Variants in CHD6 observed in about 807,000 individuals in gnomAD.
CHD6 encodes chromodomain helicase DNA binding protein 6.
A neutral mutation model predicts 276.9 loss-of-function variants in CHD6; 50 were observed. That is an observed-to-expected ratio of 0.18 (90% CI 0.14 to 0.23). CHD6 has a LOEUF of 0.23. CHD6 is among the 10% of genes least tolerant of loss of function. The pLI is 1.00. For missense variants in CHD6, 2,564 were observed against 3,365.8 expected, an observed-to-expected ratio of 0.76 and a Z score of 5.89; for synonymous variants, 1,173 against 1,229.3, an observed-to-expected ratio of 0.95 and a Z score of 0.96.
In CHD6 at chr20:41,421,322, T is replaced by C; in HGVS notation, c.5313A>G (p.Gln1771=). 6.2e-7 allele frequency: 1 copy of C among 1,614,200 alleles called. No individual in the cohort carries two copies. Among genetic ancestry groups the C allele is most frequent in the Non-Finnish European group, 8.5e-7 (1 of 1,180,026 alleles). The change falls in exon 31 of 37, where the codon CAA becomes CAG. Residue 1771 remains glutamine (Q), a synonymous_variant. Coordinates refer to ENST00000373233, the MANE Select transcript of CHD6 (RefSeq NM_032221.5). ...MGSLEAGGVA[Q]ANIKNGKHLL... ...AATGTTTTCCATTTTTGATGTTTGC[T>C]TGAGCTACTCCTCCTGCTTCTAAGC...
At chr20:41,583,910 T>C (rs1399515838) in intron 1 of CHD6, among the ~76,000 whole-genome samples, 1 of 151,990 alleles carries the variant, frequency 6.6e-6, no homozygotes, top group Non-Finnish European at 1.5e-5. Flanking sequence ...GAGATAAAAT[T>C]GAATTTTAAA....
chr20:41,591,371 T>TAC (rs1205847670), intron 1 of CHD6, among the ~76,000 whole-genome samples: 1 of 121,214 alleles, frequency 8.2e-6, no homozygotes, highest in Non-Finnish European at 1.6e-5. Flanking sequence ...TTTACATATA[T>TAC]ATATATATAC....
chr20:41,615,738 C>T (rs2045929269), intron 1 of CHD6, among the ~76,000 whole-genome samples: 2 of 152,172 alleles, frequency 1.3e-5, no homozygotes, highest in African/African-American at 4.8e-5. Context: ...CATGAGTGAT[C>T]TCATTTAGTA....
At chr20:41,438,982 A>G (rs2047808778) in intron 26 of CHD6, among the ~76,000 whole-genome samples, 1 of 152,212 alleles carries the variant, frequency 6.6e-6, no homozygotes, top group African/African-American at 2.4e-5. Context: ...CCACATTCTC[A>G]GGTCTGGCCA....
At chr20:41,599,383 T>C (rs772945618) in intron 1 of CHD6, among the ~76,000 whole-genome samples, 39 of 152,260 alleles carry the variant, frequency 2.6e-4, no homozygotes, top group Non-Finnish European at 4.7e-4. Flanking sequence ...GATTACCCCT[T>C]CTCTGGTCTC....
intron 1 of CHD6, among the ~76,000 whole-genome samples, chr20:41,611,401 G>C (rs2045885916): frequency 6.6e-6 from 1 of 152,110 alleles, no homozygotes; most frequent in Non-Finnish European, 1.5e-5. Context: ...GGTCATACTA[G>C]CCACATCTTA....
chr20:41,493,831 G>C, intron 9 of CHD6, 27 bp downstream of exon 9: 1 of 1,594,808 alleles, frequency 6.3e-7, no homozygotes, highest in Non-Finnish European at 8.6e-7. Context: ...AAGAAGGGAA[G>C]ATGCTTCAGG....
At chr20:41,520,672 G>C (rs2044370111) in intron 3 of CHD6, among the ~76,000 whole-genome samples, 1 of 134,896 alleles carries the variant, frequency 7.4e-6, no homozygotes, top group Non-Finnish European at 1.6e-5. Context: ...GCCTGTTGTG[G>C]GGTCGGGGGA....
Position 41,473,546 on chromosome 20 carries a change from A to G in CHD6, c.2469-29T>C, listed in dbSNP as rs1480673060. The G allele has an allele frequency of 1.3e-6, 2 of 1,597,074 alleles. No homozygotes were observed. The highest frequency in any genetic ancestry group is 1.7e-6 in the Non-Finnish European group (2 of 1,165,400). On this transcript the variant is annotated intron_variant, in intron 16 of 36. Transcript: ENST00000373233. This position sits in a 1 kb window ranked among gnomAD's most constrained non-coding sequence, Gnocchi z 4.1. Reference sequence around the variant, plus strand: ...AGGGGACCCAAATGAACGAAAGCCCAGGCGTTAATCATGACTTCAATGGAG... The same window carrying G: ...AGGGGACCCAAATGAACGAAAGCCCGGGCGTTAATCATGACTTCAATGGAG...
At chr20:41,483,268 CTGT>C in intron 16 of CHD6, 38 bp downstream of exon 16, 1 of 1,510,244 alleles carries the variant, frequency 6.6e-7, no homozygotes, top group East Asian at 2.3e-5. Context: ...AGGAAAGGAA[CTGT>C]CCCATTGTTG....
chr20:41,536,194 G>C (rs1028696054), intron 2 of CHD6, among the ~76,000 whole-genome samples: 1 of 152,158 alleles, frequency 6.6e-6, no homozygotes, highest in African/African-American at 2.4e-5. Context: ...AAAGGAACAG[G>C]TTGAAGATGA....
chr20:41,556,697 C>G (rs2045242716), intron 1 of CHD6, among the ~76,000 whole-genome samples: 1 of 152,090 alleles, frequency 6.6e-6, no homozygotes, highest in Non-Finnish European at 1.5e-5. Flanking sequence ...TTCTGGCACC[C>G]CAACAGATCA....
rs1216188103 is a variant in CHD6 at position 41,564,134 on chromosome 20, A to T, written c.-23-12774T>A. 5 of 768,872 alleles carry T rather than the reference A, an allele frequency of 6.5e-6. No homozygotes were observed. The Middle Eastern group carries it at 9.1e-4, about 139-fold the overall frequency. 47.6% of individuals were successfully genotyped at this position (768,872 alleles called of 1,614,324 possible). On this transcript the variant is annotated intron_variant, in intron 1 of 36. Coordinates refer to ENST00000373233, the MANE Select transcript of CHD6 (RefSeq NM_032221.5). ...CAGAACTGGTACAAAAGCCAATCATATGAGACTGACACATGGGCTAAAAAC... is the reference window on the plus strand; with the variant it reads ...CAGAACTGGTACAAAAGCCAATCATTTGAGACTGACACATGGGCTAAAAAC...
At chr20:41,557,166 A>G (rs139170573) in intron 1 of CHD6, among the ~76,000 whole-genome samples, 79 of 152,392 alleles carry the variant, frequency 5.2e-4, no homozygotes, top group African/African-American at 1.8e-3. Context: ...TATCAAGTGT[A>G]TAACTTCTGA....
In CHD6 at chr20:41,420,779, A is replaced by T; in HGVS notation, c.5856T>A (p.Asn1952Lys). Residue 1952 changes from asparagine (N) to lysine (K), a missense_variant, in exon 31 of 37, where the codon AAT (asparagine) becomes AAA (lysine). Around this residue, in one of 7 missense-constraint regions of CHD6, gnomAD observed 1,024 missense variants for 1,047.9 expected, o/e 0.98. Coordinates refer to ENST00000373233, the MANE Select transcript of CHD6 (RefSeq NM_032221.5). ...TGGGTTTCTCGATTTCAAATTCATC[A>T]TTCTCGAGGCCATGCATCCACCTCT... is the stretch of plus-strand genomic sequence containing the variant. The part of the protein sequence containing the change: ...HMERWMHGLE[N>K]DEFEIEKPKA... 6.2e-7 allele frequency: 1 copy of T among 1,614,208 alleles called. No individual in the cohort carries two copies. The highest frequency in any genetic ancestry group is 8.5e-7 in the Non-Finnish European group (1 of 1,180,038).
chr20:41,426,142 A>G lies in CHD6; in HGVS notation c.4080T>C (p.Ser1360=). 6.2e-7 allele frequency: 1 copy of G among 1,612,826 alleles called. No individual in the cohort carries two copies. The highest frequency in any genetic ancestry group is 2.2e-5 in the East Asian group (1 of 44,872). ...DGLQKQTESS[S]DGGDGVFSEK... is the part of the protein sequence containing the mutation. ...CGCTAAAAACGCCATCACCTCCATC[A>G]CTGGAACTCTCCTAGGGATAAATAA... The change falls in exon 28 of 37, where the codon AGT becomes AGC. Residue 1360 remains serine (S), a synonymous_variant. Coordinates refer to ENST00000373233, the MANE Select transcript of CHD6 (RefSeq NM_032221.5).
intron 25 of CHD6, among the ~76,000 whole-genome samples, chr20:41,443,731 C>T (rs898615639): frequency 1.2e-4 from 18 of 152,162 alleles, no homozygotes; most frequent in African/African-American, 4.1e-4. Context: ...CTTTTTCTTG[C>T]TTCCCTTTCC....
At chr20:41,573,538 G>C (rs1037247440) in intron 1 of CHD6, among the ~76,000 whole-genome samples, 1 of 151,968 alleles carries the variant, frequency 6.6e-6, no homozygotes, top group Non-Finnish European at 1.5e-5. Flanking sequence ...GACAAAGAAG[G>C]GCTAAATTCT....
chr20:41,407,279 C>T, intron 36 of CHD6, among the ~76,000 whole-genome samples: 1 of 152,156 alleles, frequency 6.6e-6, no homozygotes. Flanking sequence ...TCCACCAGCC[C>T]ACAGCCTCCT....
Sources: allele counts gnomAD v4.1 joint callset (sites outside exome capture counted in the v4.1 genomes callset), GRCh38; gene constraint gnomAD v4.1.1; regional missense constraint gnomAD v4.1.1; non-coding constraint Gnocchi (gnomAD v3.1); transcripts MANE v1.5; gene names NCBI Gene and HGNC (gene_info 2026-07-23, HGNC 2026-07-21).